Variants in PHYHIPL observed in about 807,000 individuals in gnomAD.
PHYHIPL encodes phytanoyl-CoA 2-hydroxylase interacting protein like.
Under a neutral mutation model 33.4 loss-of-function variants are expected in PHYHIPL, and 9 were observed. The ratio of observed to expected loss-of-function variants is 0.27; its 90% confidence interval spans 0.16 to 0.47. The LOEUF (loss-of-function observed/expected upper bound fraction) is 0.47, where lower values mean the gene tolerates loss of function less well. PHYHIPL is among the 20% of genes least tolerant of loss of function. PHYHIPL has a pLI of 0.99. For synonymous variants in PHYHIPL, 153 were observed against 154.1 expected (o/e 0.99, Z 0.05); for missense variants, 365 against 460.7 (o/e 0.79, Z 1.90).
intron 1 of PHYHIPL, among the ~76,000 whole-genome samples, chr10:59,200,022 T>G (rs1468238470): frequency 6.6e-6 from 1 of 152,194 alleles, no homozygotes; most frequent in African/African-American, 2.4e-5. Context: ...TTTGACTTCC[T>G]CTTTTCCTAA....
chr10:59,183,512 G>T (rs73294059), intron 1 of PHYHIPL: 8,642 of 223,708 alleles, frequency 0.039, 555 homozygotes, highest in African/African-American at 0.16. Flanking sequence ...AGGTTAGGAT[G>T]TAACTTCAGT....
At position 59,236,655 on chromosome 10, in the gene PHYHIPL, C is replaced by T; in HGVS notation, c.476C>T (p.Ala159Val). ...EWSEIIEFCT[A>V]DYSKVHLTQL... ...AGTGAAATTATAGAATTCTGCACCG[C>T]AGGTAAGAGAACTAGGTACAAATAT... Residue 159 changes from alanine to valine, a missense_variant and splice_region_variant, in exon 3 of 5, where the codon GCA (alanine) becomes GTA (valine). This residue lies in a region of PHYHIPL where 63 missense variants were observed against 119.3 expected (regional missense o/e 0.53). Coordinates refer to ENST00000373880, the MANE Select transcript of PHYHIPL (RefSeq NM_032439.4). 6.3e-7 allele frequency: 1 copy of T among 1,595,300 alleles called. No individual in the cohort carries two copies.
chr10:59,199,280 G>A (rs1589267686), intron 1 of PHYHIPL, among the ~76,000 whole-genome samples: 1 of 152,148 alleles, frequency 6.6e-6, no homozygotes, highest in Non-Finnish European at 1.5e-5. Context: ...CATATGGCTA[G>A]CCAGTTTTCC....
At chr10:59,190,779 G>A (rs868370500) in intron 1 of PHYHIPL, among the ~76,000 whole-genome samples, 54 of 151,640 alleles carry the variant, frequency 3.6e-4, no homozygotes, top group African/African-American at 1.1e-3. Context: ...CTTGTTTTTC[G>A]AAGAATATTT....
chr10:59,228,134 C>T (rs944246726), intron 1 of PHYHIPL, among the ~76,000 whole-genome samples: 9 of 151,798 alleles, frequency 5.9e-5, no homozygotes, highest in African/African-American at 2.2e-4. Flanking sequence ...ATAGATATGC[C>T]CCCAAATGTA....
chr10:59,200,413 C>A (rs1315520678), intron 1 of PHYHIPL, among the ~76,000 whole-genome samples: 1 of 152,090 alleles, frequency 6.6e-6, no homozygotes, highest in East Asian at 1.9e-4. Flanking sequence ...AAGCCAACTT[C>A]ATTGTGGTGG....
chr10:59,236,677 A>C lies in PHYHIPL; in HGVS notation c.478+20A>C. On this transcript the variant is annotated intron_variant, in intron 3 of 4. Transcript: ENST00000373880. Reference sequence around the variant, plus strand: ...CCGCAGGTAAGAGAACTAGGTACAAATATAGAAAAGCTTTAGTTGTTCTGG... The same window carrying C: ...CCGCAGGTAAGAGAACTAGGTACAACTATAGAAAAGCTTTAGTTGTTCTGG... 1 of 1,545,566 alleles carries C rather than the reference A, an allele frequency of 6.5e-7. No homozygotes were observed. The highest frequency in any genetic ancestry group is 8.7e-7 in the Non-Finnish European group (1 of 1,145,606).
chr10:59,200,678 A>G (rs1204450140), intron 1 of PHYHIPL, among the ~76,000 whole-genome samples: 1 of 152,078 alleles, frequency 6.6e-6, no homozygotes, highest in East Asian at 1.9e-4. Flanking sequence ...CTGTGAATCC[A>G]TCTGGTCCTG....
upstream of PHYHIPL, among the ~76,000 whole-genome samples, chr10:59,174,591 T>C (rs1454306668): frequency 4.0e-5 from 6 of 151,682 alleles, no homozygotes; most frequent in Admixed American, 6.6e-5. Context: ...GTGCCTTGGA[T>C]TGATTAAGTT....
chr10:59,212,310 G>C (rs748744565), intron 1 of PHYHIPL, among the ~76,000 whole-genome samples: 2 of 152,182 alleles, frequency 1.3e-5, no homozygotes, highest in African/African-American at 2.4e-5. Flanking sequence ...AACAGATGAA[G>C]AGCTTATTTA....
intron 1 of PHYHIPL, among the ~76,000 whole-genome samples, chr10:59,218,590 G>A (rs1295882027): frequency 6.6e-6 from 1 of 152,100 alleles, no homozygotes; most frequent in Non-Finnish European, 1.5e-5. Context: ...CATCAGGAAA[G>A]GCATTTGGGA....
At chr10:59,216,481 A>G (rs571793185) in intron 1 of PHYHIPL, among the ~76,000 whole-genome samples, 2 of 152,218 alleles carry the variant, frequency 1.3e-5, no homozygotes, top group South Asian at 4.1e-4. Flanking sequence ...GAGGAAAATT[A>G]GAGCATTTTT....
chr10:59,177,327 C>T (rs1838280961), intron 1 of PHYHIPL: 1 of 755,822 alleles, frequency 1.3e-6, no homozygotes. Context: ...GGGAAATGCC[C>T]TCGGGATGTT....
At chr10:59,235,737 C>G (rs1423740896) in intron 2 of PHYHIPL, among the ~76,000 whole-genome samples, 3 of 152,026 alleles carry the variant, frequency 2.0e-5, no homozygotes, top group East Asian at 3.9e-4. Context: ...TCTTCACTCT[C>G]CACTTGGAAT....
chr10:59,207,758 G>A (rs974272010), intron 1 of PHYHIPL, among the ~76,000 whole-genome samples: 123 of 152,204 alleles, frequency 8.1e-4, no homozygotes, highest in African/African-American at 2.8e-3. Flanking sequence ...GGGCGTGGTG[G>A]TGGGCGCCTG....
intron 1 of PHYHIPL, among the ~76,000 whole-genome samples, chr10:59,193,782 A>G (rs1001287048): frequency 1.8e-4 from 28 of 152,120 alleles, no homozygotes; most frequent in African/African-American, 6.8e-4. Flanking sequence ...GTAATTCAGT[A>G]TATCCAATGT....
chr10:59,196,850 A>G (rs1002963462), intron 1 of PHYHIPL, among the ~76,000 whole-genome samples: 2 of 152,182 alleles, frequency 1.3e-5, no homozygotes, highest in Admixed American at 1.3e-4. Context: ...AATCCACCCA[A>G]TGTATTCAAA....
chr10:59,209,074 A>G (rs1237495629), intron 1 of PHYHIPL, among the ~76,000 whole-genome samples: 9 of 152,060 alleles, frequency 5.9e-5, no homozygotes, highest in Non-Finnish European at 1.2e-4. Flanking sequence ...GGAAATACAG[A>G]GAACGCCACA....
At chr10:59,221,582 T>G (rs1012762858) in intron 1 of PHYHIPL, 25 of 597,384 alleles carry the variant, frequency 4.2e-5, no homozygotes, top group Non-Finnish European at 5.2e-5. Flanking sequence ...CTAAGAGAGA[T>G]AAGTTTTTAA....
Sources: gnomAD v4.1 joint callset for allele counts (sites outside exome capture counted in the v4.1 genomes callset) on GRCh38, gnomAD v4.1.1 for gene constraint, gnomAD v4.1.1 regional missense constraint, MANE v1.5 for transcripts, NCBI Gene and HGNC (gene_info 2026-07-23, HGNC 2026-07-21) for gene names.